Variants in PAX7 observed in about 807,000 individuals in gnomAD.
The protein encoded by PAX7 is paired box protein Pax-7.
PAX7 carries 18 observed loss-of-function variants against 50.7 expected under a neutral mutation model. The observed-to-expected ratio is 0.36, with a 90% CI of 0.25 to 0.53. The LOEUF (loss-of-function observed/expected upper bound fraction) is 0.53, where lower values mean the gene tolerates loss of function less well. PAX7 is among the 20% of genes least tolerant of loss of function. PAX7 has a pLI of 0.93. For missense variants in PAX7, 644 were observed against 702.9 expected (o/e 0.92, Z 0.95); for synonymous variants, 310 against 290.4 (o/e 1.07, Z -0.69).
chr1:18,729,359 C>T (rs1266400860), intron 7 of PAX7, among the ~76,000 whole-genome samples: 1 of 152,150 alleles, frequency 6.6e-6, no homozygotes, highest in Non-Finnish European at 1.5e-5. Context: ...GCAGTAATCC[C>T]TGGGGTGCCA....
chr1:18,645,353 A>G (rs1201286481), intron 4 of PAX7, among the ~76,000 whole-genome samples: 1 of 152,146 alleles, frequency 6.6e-6, no homozygotes, highest in Non-Finnish European at 1.5e-5. Flanking sequence ...CCACGAAAAG[A>G]CCGAAGATCA....
intron 7 of PAX7, among the ~76,000 whole-genome samples, chr1:18,730,771 T>C (rs1215177644): frequency 6.6e-6 from 1 of 151,552 alleles, no homozygotes; most frequent in African/African-American, 2.4e-5. Flanking sequence ...GAGCAGAGGC[T>C]GTGGAAGGGG....
rs544822656 is a variant in PAX7 at position 18,636,499 on chromosome 1, G to A, written c.586+128G>A. ...TCCAGCGGAGAAACTCTCATGCTGC[G>A]GGGCAGCTGGGAGCCGCTCAGGCTT... On this transcript the variant is annotated intron_variant, in intron 4 of 8. Coordinates refer to ENST00000420770, the MANE Select transcript of PAX7 (RefSeq NM_001135254.2). The surrounding 1 kb of genome is among the most constrained non-coding windows in gnomAD (Gnocchi z 5.1). 4.5e-3 allele frequency: 5,379 copies of A among 1,204,840 alleles called. 41 individuals carry two copies. Among genetic ancestry groups the A allele is most frequent in the Admixed American group, 4.7e-3 (198 of 42,064 alleles). The allele number at this position is 1,204,840 out of a possible 1,614,324, so 74.6% of individuals were successfully genotyped here.
intron 8 of PAX7, among the ~76,000 whole-genome samples, chr1:18,741,573 C>T (rs1181813377): frequency 6.6e-6 from 1 of 152,116 alleles, no homozygotes; most frequent in East Asian, 1.9e-4. Flanking sequence ...ATCAGAGGTA[C>T]CCCCAAAAAT....
chr1:18,744,060 G>A lies in PAX7; in HGVS notation c.1403-754G>A, dbSNP rs191431189. ...GGGGACCAGATGGACAGAGCTGTAGGTCTCAGCTCCCTGCGTATCTGTGTC... is the reference window on the plus strand; with the variant it reads ...GGGGACCAGATGGACAGAGCTGTAGATCTCAGCTCCCTGCGTATCTGTGTC... On this transcript the variant is annotated intron_variant, in intron 8 of 8. Transcript: ENST00000420770. 1.5e-4 allele frequency among the ~76,000 whole-genome samples: 23 copies of A among 152,258 alleles called. No individual in the cohort carries two copies. In the East Asian group the frequency reaches 4.5e-3, roughly 29 times the overall value.
rs2088078692 is a variant in PAX7, at chr1:18,632,872, G to A, written c.85+1184G>A. On this transcript the variant is annotated intron_variant, in intron 1 of 8. Transcript: ENST00000420770. This position sits in a 1 kb window ranked among gnomAD's most constrained non-coding sequence, Gnocchi z 6.3. ...AGGCGGGAGAGCGCGCAAACCCGGG[G>A]ATTTGCAGTGGCACTCTCCTGTAGC... Among the ~76,000 whole-genome samples, 1 of 152,176 alleles carries A rather than the reference G, an allele frequency of 6.6e-6. No homozygotes were observed. The highest frequency in any genetic ancestry group is 2.1e-4 in the South Asian group (1 of 4,830).
rs549550762 is a variant in PAX7 at position 18,748,370 on chromosome 1, G to A, written c.*3441G>A. 17 of 230,354 alleles carry A rather than the reference G, an allele frequency of 7.4e-5. No homozygotes were observed. The highest frequency in any genetic ancestry group is 2.4e-4 in the African/African-American group (11 of 45,244). 14.3% of individuals were successfully genotyped at this position (230,354 alleles called of 1,614,324 possible). A position where few individuals can be genotyped will look rare whatever the true frequency, so the allele number is the denominator to read the frequency against. On this transcript the variant is annotated 3_prime_UTR_variant, in exon 9 of 9. Transcript: ENST00000420770. Reference sequence around the variant, plus strand: ...CTGATGTTCTTCTCATCAAGCTCCCGAATGTGTCTCGCACTATTGGACACT... The same window carrying A: ...CTGATGTTCTTCTCATCAAGCTCCCAAATGTGTCTCGCACTATTGGACACT...
rs1380191884 is a variant in PAX7, at chr1:18,744,664, G to GGATA, written c.1403-147_1403-146insAGAT. The GGATA allele has an allele frequency of 2.3e-4, 136 of 580,520 alleles. No individual in the cohort carries two copies. In the African/African-American group the frequency reaches 3.8e-3, roughly 16 times the overall value. The allele number at this position is 580,520 out of a possible 1,614,324, so 36.0% of individuals were successfully genotyped here. A position where few individuals can be genotyped will look rare whatever the true frequency, so the allele number is the denominator to read the frequency against. ...GAATGGATGAGTAGACAGGACGGAT[G>GGATA]GATGGATGGATGGATGGATGGATAA... is the stretch of plus-strand genomic sequence containing the variant. On this transcript the variant is annotated intron_variant, in intron 8 of 8. Transcript: ENST00000420770.
chr1:18,641,802 T>C (rs906624653), intron 4 of PAX7, among the ~76,000 whole-genome samples: 1 of 152,202 alleles, frequency 6.6e-6, no homozygotes, highest in African/African-American at 2.4e-5. Context: ...ATAACACATT[T>C]TCCTGAGGCG....
intron 4 of PAX7, among the ~76,000 whole-genome samples, chr1:18,654,052 C>T (rs111443091): frequency 0.01 from 1,534 of 152,114 alleles, 23 homozygotes; most frequent in African/African-American, 0.034. Context: ...CAAAGATGAA[C>T]GCCGCCCGCA....
intron 6 of PAX7, among the ~76,000 whole-genome samples, chr1:18,701,881 G>A (rs147929991): frequency 2.5e-3 from 387 of 152,262 alleles, no homozygotes; most frequent in Non-Finnish European, 4.8e-3. Context: ...AGGGGATCAG[G>A]GGGCCTTGGG....
intron 7 of PAX7, among the ~76,000 whole-genome samples, chr1:18,716,979 G>T (rs1435310970): frequency 0.018 from 1 of 56 alleles, no homozygotes; most frequent in Non-Finnish European, 0.036. Context: ...GGGTTGGGGC[G>T]GCGGCCGGAG....
At chr1:18,742,446 G>A (rs545759277) in intron 8 of PAX7, among the ~76,000 whole-genome samples, 29 of 152,276 alleles carry the variant, frequency 1.9e-4, no homozygotes, top group Non-Finnish European at 3.2e-4. Context: ...ATGAGCCACC[G>A]TGCTCGGGCA....
At chr1:18,717,357 G>C (rs2089439709) in intron 7 of PAX7, among the ~76,000 whole-genome samples, 1 of 152,214 alleles carries the variant, frequency 6.6e-6, no homozygotes, top group Non-Finnish European at 1.5e-5. Context: ...CTTGCTGCCT[G>C]CTGGAGAGAG....
At chr1:18,684,163 A>ATGGCT (rs2088940111) in intron 4 of PAX7, among the ~76,000 whole-genome samples, 1 of 152,158 alleles carries the variant, frequency 6.6e-6, no homozygotes, top group Non-Finnish European at 1.5e-5. Context: ...TTGCTGGGGA[A>ATGGCT]GAAGGTGGTG....
In PAX7 at chr1:18,651,299, C is replaced by T. The variant is rs1393274087; in HGVS notation, c.586+14928C>T. Among the ~76,000 whole-genome samples, 5 of 152,272 alleles carry T rather than the reference C, an allele frequency of 3.3e-5. No homozygotes were observed. The East Asian group carries it at 5.8e-4, about 18-fold the overall frequency. ...CTGAGAATTTCCCAAGTCAAAAGCG[C>T]ATTGTCTCATCGGTGGCTCTAAAAT... On this transcript the variant is annotated intron_variant, in intron 4 of 8. Coordinates refer to ENST00000420770, the MANE Select transcript of PAX7 (RefSeq NM_001135254.2).
intron 5 of PAX7, among the ~76,000 whole-genome samples, chr1:18,696,566 T>C (rs2089152805): frequency 6.6e-6 from 1 of 152,188 alleles, no homozygotes; most frequent in Admixed American, 6.5e-5. Context: ...TATTCAGCCA[T>C]AAAAAAGAAT....
chr1:18,632,186 T>C lies in PAX7; in HGVS notation c.85+498T>C, dbSNP rs945122728. 6.6e-6 allele frequency among the ~76,000 whole-genome samples: 1 copy of C among 152,174 alleles called. No individual in the cohort carries two copies. The highest frequency in any genetic ancestry group is 1.5e-5 in the Non-Finnish European group (1 of 68,034). On this transcript the variant is annotated intron_variant, in intron 1 of 8. Coordinates refer to ENST00000420770, the MANE Select transcript of PAX7 (RefSeq NM_001135254.2). This position sits in a 1 kb window ranked among gnomAD's most constrained non-coding sequence, Gnocchi z 6.3. The stretch of plus-strand genomic sequence containing the variant: ...TCAACTACCACGGCTATCCATTTCT[T>C]CCGAAGCCACAGTCAAACACTCCTG...
rs377712368 is a variant in PAX7 at position 18,722,632 on chromosome 1, G to A, written c.1156-13000G>A. 4.3e-4 allele frequency among the ~76,000 whole-genome samples: 65 copies of A among 152,256 alleles called. 1 individual carries two copies. In the South Asian group the frequency reaches 9.3e-3, roughly 22 times the overall value. ...GTTCCCTGCCCTGTGTGGGTGAGGC[G>A]GCAGGGCGTCGACATAGCTGGAAGG... On this transcript the variant is annotated intron_variant, in intron 7 of 8. Transcript: ENST00000420770.
Sources: gnomAD v4.1 joint callset for allele counts (sites outside exome capture counted in the v4.1 genomes callset) on GRCh38, gnomAD v4.1.1 for gene constraint, Gnocchi (gnomAD v3.1) non-coding constraint, MANE v1.5 for transcripts, NCBI Gene and HGNC (gene_info 2026-07-23, HGNC 2026-07-21) for gene names.